Variants in URI1 observed in about 807,000 individuals in gnomAD.
The protein encoded by URI1 is unconventional prefoldin RPB5 interactor 1.
In URI1, 39 loss-of-function variants were observed where a neutral mutation model predicts 60.2. That is an observed-to-expected ratio of 0.65 (90% CI 0.50 to 0.85). URI1 has a LOEUF of 0.85. URI1 is among the 40% of genes least tolerant of loss of function. The pLI is 0.00. For synonymous variants in URI1, 251 were observed against 236.8 expected, an observed-to-expected ratio of 1.06 and a Z score of -0.55; for missense variants, 691 against 665.9, an observed-to-expected ratio of 1.04 and a Z score of -0.42.
At chr19:29,974,135 T>C (rs1008665219) in intron 2 of URI1, among the ~76,000 whole-genome samples, 3 of 152,316 alleles carry the variant, frequency 2.0e-5, no homozygotes, top group Middle Eastern at 3.4e-3. Flanking sequence ...TGAACAATTA[T>C]GCTCAGAGTC....
At chr19:29,956,600 C>G (rs1469778275) in intron 1 of URI1, 2 of 1,497,840 alleles carry the variant, frequency 1.3e-6, no homozygotes, top group Non-Finnish European at 1.9e-6. Flanking sequence ...CAGGCAACAC[C>G]TGGTCTCATC....
At chr19:29,947,373 A>G (rs1371380912) in intron 1 of URI1, among the ~76,000 whole-genome samples, 1 of 152,180 alleles carries the variant, frequency 6.6e-6, no homozygotes, top group Non-Finnish European at 1.5e-5. Flanking sequence ...TTTTCAGATG[A>G]ACAGTTTGTT....
intron 1 of URI1, among the ~76,000 whole-genome samples, chr19:29,933,940 CT>C (rs34942474): frequency 1.2e-4 from 15 of 124,676 alleles, no homozygotes; most frequent in African/African-American, 1.7e-4. Flanking sequence ...CTTTTCTTCC[CT>C]TTTTTTTTTT....
intron 4 of URI1, among the ~76,000 whole-genome samples, chr19:29,989,220 C>T (rs1233103542): frequency 1.3e-5 from 2 of 151,244 alleles, no homozygotes; most frequent in Non-Finnish European, 2.9e-5. Context: ...GAGCAATTCT[C>T]CTGCCTCAGC....
Position 30,015,627 on chromosome 19 carries a change from C to G in URI1, c.*558C>G. The G allele has an allele frequency of 6.8e-7, 1 of 1,474,048 alleles. No homozygotes were observed. Among genetic ancestry groups the G allele is most frequent in the African/African-American group, 1.4e-5 (1 of 70,438 alleles). 91.3% of individuals were successfully genotyped at this position (1,474,048 alleles called of 1,614,324 possible). A position where few individuals can be genotyped will look rare whatever the true frequency, so the allele number is the denominator to read the frequency against. ...AAGAAAGCTACATGAATTAATTGTACTCTATGGGAAAATTTCTTTGGAAAG... is the reference window on the plus strand; with the variant it reads ...AAGAAAGCTACATGAATTAATTGTAGTCTATGGGAAAATTTCTTTGGAAAG... On this transcript the variant is annotated 3_prime_UTR_variant, in exon 11 of 11. Coordinates refer to ENST00000392271, the MANE Select transcript of URI1 (RefSeq NM_003796.3).
intron 2 of URI1, 150 bp downstream of exon 2, chr19:29,971,377 C>A: frequency 1.4e-6 from 1 of 708,486 alleles, no homozygotes; most frequent in South Asian, 1.9e-5. Flanking sequence ...GCCTTTAATA[C>A]TAATTTATAT....
At chr19:29,955,015 T>G (rs1366133625) in intron 1 of URI1, among the ~76,000 whole-genome samples, 1 of 150,960 alleles carries the variant, frequency 6.6e-6, no homozygotes, top group Non-Finnish European at 1.5e-5. Context: ...TTTTTTTTTA[T>G]TTTTTTGGAG....
At chr19:30,008,853 C>T in intron 7 of URI1, 152 bp from the exon 8 acceptor site, 1 of 646,952 alleles carries the variant, frequency 1.5e-6, no homozygotes, top group Non-Finnish European at 2.5e-6. Flanking sequence ...TAATTTATTT[C>T]AAAACATTTT....
At chr19:29,992,414 T>G (rs2145396476) in intron 4 of URI1, among the ~76,000 whole-genome samples, 1 of 152,316 alleles carries the variant, frequency 6.6e-6, no homozygotes, top group South Asian at 2.1e-4. Flanking sequence ...CCTTTTTAAT[T>G]GATTCTGATA....
intron 4 of URI1, among the ~76,000 whole-genome samples, chr19:29,995,403 A>G (rs2055799061): frequency 6.6e-6 from 1 of 151,514 alleles, no homozygotes; most frequent in Non-Finnish European, 1.5e-5. Context: ...TCTTTTGCCC[A>G]TTTTTTATTT....
intron 1 of URI1, among the ~76,000 whole-genome samples, chr19:29,957,342 G>GTAATTTTGA (rs2055262379): frequency 6.6e-6 from 1 of 151,648 alleles, no homozygotes. Flanking sequence ...TGAACTGGAT[G>GTAATTTTGA]CCAGATATTG....
chr19:29,973,274 A>C (rs2055481117), intron 2 of URI1, among the ~76,000 whole-genome samples: 1 of 152,166 alleles, frequency 6.6e-6, no homozygotes, highest in African/African-American at 2.4e-5. Context: ...CAGACATATA[A>C]CAGGGAAATC....
intron 1 of URI1, among the ~76,000 whole-genome samples, chr19:29,926,254 T>TCCTA (rs1306663827): frequency 2.1e-5 from 3 of 140,808 alleles, no homozygotes; most frequent in Admixed American, 7.2e-5. Flanking sequence ...CTTCCTTCCT[T>TCCTA]CCTTCCTTCC....
At chr19:30,005,485 A>C in intron 5 of URI1, 33 bp downstream of exon 5, 1 of 1,526,800 alleles carries the variant, frequency 6.5e-7, no homozygotes, top group Non-Finnish European at 8.9e-7. Flanking sequence ...CTATATTTTT[A>C]GAAAATATTT....
In URI1 at chr19:29,971,178, C is replaced by T; in HGVS notation, c.118-15C>T. The T allele has an allele frequency of 1.9e-6, 3 of 1,611,934 alleles. No homozygotes were observed. The highest frequency in any genetic ancestry group is 2.5e-6 in the Non-Finnish European group (3 of 1,179,000). On this transcript the variant is annotated splice_polypyrimidine_tract_variant and intron_variant, in intron 1 of 10. Coordinates refer to ENST00000392271, the MANE Select transcript of URI1 (RefSeq NM_003796.3). ...GCTCTGTTTTTTCATGAGTAGTTAT[C>T]TGTTTTCATGACAGGTGGTCACTAA... is the stretch of plus-strand genomic sequence containing the variant.
intron 2 of URI1, 76 bp downstream of exon 2, chr19:29,971,303 C>T: frequency 6.8e-7 from 1 of 1,472,890 alleles, no homozygotes; most frequent in East Asian, 2.3e-5. Context: ...AATGTGTTTA[C>T]TGTTTGCGTG....
intron 4 of URI1, among the ~76,000 whole-genome samples, chr19:30,002,111 C>T (rs896694353): frequency 6.6e-6 from 1 of 151,944 alleles, no homozygotes; most frequent in African/African-American, 2.4e-5. Context: ...TATTTACAGG[C>T]TTCATACTAT....
rs149921527 is a variant in URI1, at chr19:29,990,027, A to G, written c.367+3610A>G. Reference sequence around the variant, plus strand: ...AAGTTTTATACTTTGATATTTTACAATTAGATCTGTGATTGATTTTAAGTT... The same window carrying G: ...AAGTTTTATACTTTGATATTTTACAGTTAGATCTGTGATTGATTTTAAGTT... On this transcript the variant is annotated intron_variant, in intron 4 of 10. Transcript: ENST00000392271. Among the ~76,000 whole-genome samples the G allele has an allele frequency of 1.4e-3, 214 of 152,168 alleles. 1 individual carries two copies. Among genetic ancestry groups the G allele is most frequent in the African/African-American group, 4.8e-3 (199 of 41,512 alleles).
At chr19:29,932,051 A>G (rs2054925620) in intron 1 of URI1, among the ~76,000 whole-genome samples, 1 of 151,596 alleles carries the variant, frequency 6.6e-6, no homozygotes, top group Admixed American at 6.6e-5. Context: ...TCATTTCTTT[A>G]TCTTGCCTAG....
Sources: gnomAD v4.1 joint callset for allele counts (sites outside exome capture counted in the v4.1 genomes callset) on GRCh38, gnomAD v4.1.1 for gene constraint, MANE v1.5 for transcripts, NCBI Gene and HGNC (gene_info 2026-07-23, HGNC 2026-07-21) for gene names.